Variants in DNAH2 observed in about 807,000 individuals in gnomAD.
DNAH2 encodes dynein axonemal heavy chain 2, also known as axonemal beta dynein heavy chain 2.
Under a neutral mutation model 523.5 loss-of-function variants are expected in DNAH2, and 323 were observed. The observed-to-expected ratio is 0.62, with a 90% CI of 0.56 to 0.68. The LOEUF is 0.68. DNAH2 is among the 30% of genes least tolerant of loss of function. DNAH2 has a pLI of 0.00. For synonymous variants in DNAH2, 2,093 were observed against 2,177.4 expected (o/e 0.96, Z 1.08); for missense variants, 4,907 against 5,701.5 (o/e 0.86, Z 4.49).
intron 56 of DNAH2, among the ~76,000 whole-genome samples, chr17:7,800,124 T>C (rs969576446): frequency 4.6e-5 from 7 of 152,204 alleles, no homozygotes; most frequent in Admixed American, 3.3e-4. Context: ...TGATCTCGAC[T>C]CACTGCAGCC....
chr17:7,778,110 A>G lies in DNAH2; in HGVS notation c.5281A>G (p.Thr1761Ala). 1 of 1,614,022 alleles carries G rather than the reference A, an allele frequency of 6.2e-7. No homozygotes were observed. ...TGACTGTGTCATCCGCCAGACCAAC[A>G]CGCAATTTCAGTATAATTATGAGTA... is the stretch of plus-strand genomic sequence containing the variant. ...LDDCVIRQTN[T>A]QFQYNYEYLG... is the part of the protein sequence containing the mutation. Residue 1761 changes from threonine (T) to alanine (A), a missense_variant, in exon 34 of 86, where the codon ACG becomes GCG. Physicochemically the swap from Thr to Ala is moderately conservative, Grantham distance 58. Transcript: ENST00000572933.
At chr17:7,747,913 CAA>C (rs1327233482) in intron 12 of DNAH2, among the ~76,000 whole-genome samples, 1 of 152,136 alleles carries the variant, frequency 6.6e-6, no homozygotes, top group Non-Finnish European at 1.5e-5. Context: ...TTACAGCTTC[CAA>C]AACTTATTAA....
chr17:7,830,018 C>G (rs1009441733), intron 77 of DNAH2, among the ~76,000 whole-genome samples: 2 of 138,204 alleles, frequency 1.4e-5, no homozygotes, highest in African/African-American at 5.6e-5. Flanking sequence ...AACAGCGAAA[C>G]TCCGTCTCAA....
At chr17:7,783,036 G>A (rs1949437546) in intron 39 of DNAH2, among the ~76,000 whole-genome samples, 1 of 152,300 alleles carries the variant, frequency 6.6e-6, no homozygotes, top group South Asian at 2.1e-4. Flanking sequence ...ATCCAGACTG[G>A]AGCAAACCTG....
At chr17:7,748,977 A>G (rs1050805632) in intron 12 of DNAH2, among the ~76,000 whole-genome samples, 3 of 151,950 alleles carry the variant, frequency 2.0e-5, no homozygotes, top group Non-Finnish European at 2.9e-5. Flanking sequence ...GTTGACTGAC[A>G]TATTAAACTT....
rs1192696959 is a variant in DNAH2 at position 7,767,922 on chromosome 17, T to C, written c.3698T>C (p.Ile1233Thr). The C allele has an allele frequency of 2.5e-6, 4 of 1,613,872 alleles. No homozygotes were observed. The East Asian group carries it at 6.7e-5, about 27-fold the overall frequency. ...LEKELDALQQ[I>T]WEIARDWEEN... ...TAGGAGCTCGATGCCCTCCAGCAAA[T>C]CTGGGAGATCGCACGAGACTGGGAG... Residue 1233 changes from isoleucine (I) to threonine (T), a missense_variant, in exon 23 of 86, where the codon ATC (isoleucine) becomes ACC (threonine). Transcript: ENST00000572933.
chr17:7,767,736 A>G (rs896114771), intron 22 of DNAH2, among the ~76,000 whole-genome samples, 164 bp from the exon 23 acceptor site: 20 of 151,626 alleles, frequency 1.3e-4, no homozygotes, highest in African/African-American at 4.1e-4. Context: ...GTTCCTTGAT[A>G]AGCTCTTAAG....
chr17:7,833,078 TCTGGGTCCGGGGCCTGTA>T lies in DNAH2; in HGVS notation c.12988_13005del (p.Trp4330_Tyr4335del). ...GCTCCCATTTCTCCCCAGGATGGTG[TCTGGGTCCGGGGCCTGTA>T]CCTGGAAGGTGCTGGCTGGGACCGG... On this transcript the variant is annotated inframe_deletion, in exon 85 of 86. Transcript: ENST00000572933. The T allele has an allele frequency of 6.2e-7, 1 of 1,613,478 alleles. No individual in the cohort carries two copies. The highest frequency in any genetic ancestry group is 8.5e-7 in the Non-Finnish European group (1 of 1,180,026).
At chr17:7,734,888 G>A (rs2075097663) in intron 7 of DNAH2, among the ~76,000 whole-genome samples, 180 bp downstream of exon 7, 1 of 151,678 alleles carries the variant, frequency 6.6e-6, no homozygotes, top group South Asian at 2.1e-4. Flanking sequence ...GGTCCCTAAG[G>A]AGAGAGACAT....
chr17:7,812,690 G>A (rs1288592421), intron 63 of DNAH2, among the ~76,000 whole-genome samples: 2 of 150,628 alleles, frequency 1.3e-5, no homozygotes. Context: ...GGAGGCCGAG[G>A]TGTGCGGATC....
chr17:7,767,975 C>G lies in DNAH2; in HGVS notation c.3751C>G (p.Arg1251Gly), dbSNP rs150870553. The change falls in exon 23 of 86, where the codon CGG becomes GGG. Residue 1251 changes from arginine to glycine, a missense_variant. Around this residue, in one of 3 missense-constraint regions of DNAH2, gnomAD observed 2,806 missense variants for 3,190.8 expected, o/e 0.88. Coordinates refer to ENST00000572933, the MANE Select transcript of DNAH2 (RefSeq NM_020877.5). ...GAACTGGAATGAGTGGAAGACTGGC[C>G]GGTTCCTGATCCTGCAGACGGAAAC... ...EENWNEWKTG[R>G]FLILQTETME... 2 of 1,614,134 alleles carry G rather than the reference C, an allele frequency of 1.2e-6. No homozygotes were observed. Among genetic ancestry groups the G allele is most frequent in the Non-Finnish European group, 1.7e-6 (2 of 1,180,034 alleles).
intron 12 of DNAH2, among the ~76,000 whole-genome samples, chr17:7,746,221 C>A: frequency 6.6e-6 from 1 of 152,138 alleles, no homozygotes; most frequent in Admixed American, 6.5e-5. Context: ...TATAGGCATA[C>A]AGTGTAAAAT....
chr17:7,794,382 G>A (rs1158760385), intron 49 of DNAH2, 24 bp downstream of exon 49: 2 of 1,587,558 alleles, frequency 1.3e-6, no homozygotes, highest in Non-Finnish European at 1.7e-6. Flanking sequence ...GGGGGCTGCA[G>A]GACGAGGGGA....
chr17:7,807,315 T>C lies in DNAH2; in HGVS notation c.9608T>C (p.Met3203Thr), dbSNP rs2077392866. ...TCCCTCTGCATGTGGGTGCGGGCCA[T>C]GGAGGTAAAGGCGTCAGGGCTGGGG... is the stretch of plus-strand genomic sequence containing the variant. ...AKSLCMWVRA[M>T]ELYGRLYRVV... The change falls in exon 62 of 86, where the codon ATG becomes ACG. Residue 3203 changes from methionine to threonine, a missense_variant. By Grantham distance (81) the Met-to-Thr change is moderately conservative. Coordinates refer to ENST00000572933, the MANE Select transcript of DNAH2 (RefSeq NM_020877.5). The surrounding 1 kb of genome is among the most constrained non-coding windows in gnomAD (Gnocchi z 5.6). The C allele has an allele frequency of 1.9e-6, 3 of 1,612,550 alleles. No homozygotes were observed. Among genetic ancestry groups the C allele is most frequent in the Non-Finnish European group, 2.5e-6 (3 of 1,179,706 alleles).
chr17:7,800,866 CAA>C lies in DNAH2; in HGVS notation c.8700-698_8700-697del, dbSNP rs1206829305. Among the ~76,000 whole-genome samples the C allele has an allele frequency of 7.8e-3, 940 of 119,752 alleles. 16 individuals carry two copies. Among genetic ancestry groups the C allele is most frequent in the African/African-American group, 0.027 (861 of 32,012 alleles). The allele number at this position is 119,752 out of a possible 152,430, so 78.6% of individuals were successfully genotyped here. On this transcript the variant is annotated intron_variant, in intron 56 of 85. Transcript: ENST00000572933. ...TGGGCGAGAGTGAAAGACTCCGTCT[CAA>C]AAAAAAAAAAAAATTTTTTTTTGAG...
chr17:7,792,352 T>C lies in DNAH2; in HGVS notation c.7145+9T>C. On this transcript the variant is annotated intron_variant, in intron 46 of 85. Coordinates refer to ENST00000572933, the MANE Select transcript of DNAH2 (RefSeq NM_020877.5). ...TGGCGCTACCCTCCAAAGTAAGAGC[T>C]GGGCCTGGGTGTGAGGAGGGCATGG... 6.2e-7 allele frequency: 1 copy of C among 1,613,912 alleles called. No individual in the cohort carries two copies. The highest frequency in any genetic ancestry group is 8.5e-7 in the Non-Finnish European group (1 of 1,179,912).
At chr17:7,728,765 G>A (rs1217754934) in intron 4 of DNAH2, among the ~76,000 whole-genome samples, 1 of 152,050 alleles carries the variant, frequency 6.6e-6, no homozygotes, top group Non-Finnish European at 1.5e-5. Context: ...CAGGCTGATC[G>A]CTTGAGCCTA....
chr17:7,803,117 A>G (rs569375080), intron 58 of DNAH2, among the ~76,000 whole-genome samples: 20 of 152,240 alleles, frequency 1.3e-4, no homozygotes, highest in South Asian at 4.1e-4. Flanking sequence ...TGGGTGTCCT[A>G]TGATATAACT....
Position 7,824,524 on chromosome 17 carries a change from C to A in DNAH2, c.11663-13C>A. 2 of 1,529,786 alleles carry A rather than the reference C, an allele frequency of 1.3e-6. No individual in the cohort carries two copies. The highest frequency in any genetic ancestry group is 1.9e-5 in the Admixed American group (1 of 52,888). The allele number at this position is 1,529,786 out of a possible 1,614,324, so 94.8% of individuals were successfully genotyped here. Reference sequence around the variant, plus strand: ...AGGAAATGATTCCCACTGACCCTGGCATCTCCTTGCAGGACACTGGGTGTT... The same window carrying A: ...AGGAAATGATTCCCACTGACCCTGGAATCTCCTTGCAGGACACTGGGTGTT... On this transcript the variant is annotated splice_polypyrimidine_tract_variant and intron_variant, in intron 76 of 85. Coordinates refer to ENST00000572933, the MANE Select transcript of DNAH2 (RefSeq NM_020877.5).
Sources: gnomAD v4.1 joint callset for allele counts (sites outside exome capture counted in the v4.1 genomes callset) on GRCh38, gnomAD v4.1.1 for gene constraint, gnomAD v4.1.1 regional missense constraint, Gnocchi (gnomAD v3.1) non-coding constraint, MANE v1.5 for transcripts, NCBI Gene and HGNC (gene_info 2026-07-23, HGNC 2026-07-21) for gene names.